ANKRD11: variants seen among roughly 807,000 people sequenced by gnomAD.
ANKRD11 encodes ankyrin repeat domain-containing protein 11.
A neutral mutation model predicts 195.7 loss-of-function variants in ANKRD11; 17 were observed. That is an observed-to-expected ratio of 0.09 (90% CI 0.06 to 0.13). The LOEUF (loss-of-function observed/expected upper bound fraction) is 0.13. Ranked by LOEUF, ANKRD11 falls within the 10% of genes least tolerant of loss-of-function variation. The pLI, the probability that ANKRD11 is intolerant of heterozygous loss-of-function variation, is 1.00. For missense variants in ANKRD11, 3,735 were observed against 3,566.1 expected (o/e 1.05, Z -1.21); for synonymous variants, 1,953 against 1,528.1 (o/e 1.28, Z -6.49).
chr16:89,304,116 G>A (rs920350601), intron 4 of ANKRD11, among the ~76,000 whole-genome samples: 1 of 152,218 alleles, frequency 6.6e-6, no homozygotes, highest in African/African-American at 2.4e-5. Flanking sequence ...GGAGGCCTCT[G>A]GACACAAGAA....
intron 4 of ANKRD11, chr16:89,300,774 G>A (rs1283588938): frequency 1.5e-6 from 1 of 665,936 alleles, no homozygotes; most frequent in Middle Eastern, 2.4e-4. Context: ...TGGCAGCACT[G>A]CAGAGAGCAC....
At chr16:89,353,522 G>A (rs2039320020) in intron 2 of ANKRD11, among the ~76,000 whole-genome samples, 1 of 151,956 alleles carries the variant, frequency 6.6e-6, no homozygotes, top group Non-Finnish European at 1.5e-5. Flanking sequence ...GTGTCACCCA[G>A]GCTGGAGTAC....
chr16:89,332,310 C>T (rs1404523419), intron 2 of ANKRD11, among the ~76,000 whole-genome samples: 1 of 152,208 alleles, frequency 6.6e-6, no homozygotes, highest in African/African-American at 2.4e-5. Context: ...GGTGAACGCT[C>T]TTCAGCTCCG....
intron 2 of ANKRD11, chr16:89,323,632 G>A (rs2037505831): frequency 3.1e-6 from 1 of 325,076 alleles, no homozygotes; most frequent in Admixed American, 4.4e-5. Flanking sequence ...GAGGGACAGA[G>A]GCCCTCACAG....
intron 9 of ANKRD11, chr16:89,277,742 C>G (rs1277430458): frequency 6.6e-6 from 1 of 152,434 alleles, no homozygotes; most frequent in Non-Finnish European, 1.5e-5. Flanking sequence ...GAGCTCAGAG[C>G]TTGGCAGGGT....
chr16:89,293,983 T>C (rs1457641460), intron 4 of ANKRD11, among the ~76,000 whole-genome samples: 1 of 152,114 alleles, frequency 6.6e-6, no homozygotes, highest in African/African-American at 2.4e-5. Flanking sequence ...AAACAGAACA[T>C]GTCCCACTCC....
chr16:89,366,192 C>T (rs1020940271), intron 2 of ANKRD11, among the ~76,000 whole-genome samples: 9 of 151,322 alleles, frequency 5.9e-5, no homozygotes, highest in Admixed American at 5.3e-4. Flanking sequence ...CAGTATTCCA[C>T]GGTGTATATG....
intron 2 of ANKRD11, among the ~76,000 whole-genome samples, chr16:89,348,263 G>A (rs1335671586): frequency 6.6e-6 from 1 of 152,166 alleles, no homozygotes; most frequent in Non-Finnish European, 1.5e-5. Context: ...AATCTTCTTA[G>A]ATGATCTTAC....
chr16:89,431,185 G>A (rs550161665), intron 1 of ANKRD11: 17 of 152,316 alleles, frequency 1.1e-4, no homozygotes, highest in African/African-American at 4.1e-4. Context: ...AGCAGCAAAG[G>A]CAAAGTACAG....
Position 89,281,626 on chromosome 16 carries a change from G to C in ANKRD11, c.4916C>G (p.Ala1639Gly), listed in dbSNP as rs1476873558. 10 of 1,614,070 alleles carry C rather than the reference G, an allele frequency of 6.2e-6. No individual in the cohort carries two copies. The highest frequency in any genetic ancestry group is 8.5e-6 in the Non-Finnish European group (10 of 1,180,046). The change falls in exon 9 of 13, where the codon GCT (alanine) becomes GGT (glycine). Residue 1639 changes from alanine to glycine, a missense_variant. Coordinates refer to ENST00000301030, the MANE Select transcript of ANKRD11 (RefSeq NM_013275.6). This position sits in a 1 kb window ranked among gnomAD's most constrained non-coding sequence, Gnocchi z 5.5. ...AGGGTCCAGCCCCGGCGGTTTCTTA[G>C]CAGGAATGTCCAGACCCTTCTTCCG... ...DGRKKGLDIP[A>G]KKPPGLDPPF...
intron 2 of ANKRD11, among the ~76,000 whole-genome samples, chr16:89,382,379 G>T (rs930210440): frequency 1.3e-5 from 2 of 152,144 alleles, no homozygotes; most frequent in South Asian, 4.2e-4. Context: ...AGGCTGGAGG[G>T]CAATGGTGCA....
At chr16:89,297,022 G>T (rs189072138) in intron 4 of ANKRD11, among the ~76,000 whole-genome samples, 5 of 152,238 alleles carry the variant, frequency 3.3e-5, no homozygotes, top group African/African-American at 1.2e-4. Context: ...CAAGCTTTCC[G>T]TGGGGTCTGG....
chr16:89,336,642 C>A (rs974314885), intron 2 of ANKRD11, among the ~76,000 whole-genome samples: 6 of 152,256 alleles, frequency 3.9e-5, no homozygotes, highest in African/African-American at 1.4e-4. Context: ...CCTGTGGGCA[C>A]CACACCCCCC....
intron 2 of ANKRD11, among the ~76,000 whole-genome samples, chr16:89,417,768 A>G (rs1010353989): frequency 1.3e-5 from 2 of 151,764 alleles, no homozygotes; most frequent in African/African-American, 4.8e-5. Flanking sequence ...AGGACAACCC[A>G]GCAAGACCAC....
chr16:89,425,039 C>T lies in ANKRD11; in HGVS notation c.-144-6671G>A, dbSNP rs989963014. On this transcript the variant is annotated intron_variant, in intron 1 of 12. Coordinates refer to ENST00000301030, the MANE Select transcript of ANKRD11 (RefSeq NM_013275.6). The stretch of plus-strand genomic sequence containing the variant: ...GAGACTGGCCGAAGTGTACAAAGGG[C>T]TCTCAAGGATTTCTTACAACAAAAC... Among the ~76,000 whole-genome samples the T allele has an allele frequency of 6.6e-5, 10 of 151,310 alleles. 1 individual carries two copies. Among genetic ancestry groups the T allele is most frequent in the Admixed American group, 6.6e-4 (10 of 15,188 alleles).
chr16:89,490,506 G>T lies in ANKRD11; in HGVS notation c.-406C>A. ...GGCGTCTGGCCGCGGGCTCGGCGGC[G>T]GCGCCTCCCCGGCTGGGGCCCTCGG... On this transcript the variant is annotated 5_prime_UTR_variant, in exon 1 of 13. Transcript: ENST00000301030. 1 of 468,276 alleles carries T rather than the reference G, an allele frequency of 2.1e-6. No individual in the cohort carries two copies. The highest frequency in any genetic ancestry group is 3.8e-6 in the Non-Finnish European group (1 of 260,388). The allele number at this position is 468,276 out of a possible 1,614,324, so 29.0% of individuals were successfully genotyped here.
chr16:89,426,529 T>TCACA (rs55664494), intron 1 of ANKRD11, among the ~76,000 whole-genome samples: 65,344 of 142,120 alleles, frequency 0.46, 17,106 homozygotes, highest in Non-Finnish European at 0.61. Context: ...CACTTAAACA[T>TCACA]CACACACACA....
intron 9 of ANKRD11, chr16:89,277,819 C>T (rs1334451898): frequency 6.5e-6 from 1 of 153,770 alleles, no homozygotes; most frequent in Non-Finnish European, 1.4e-5. Flanking sequence ...GCAGCACAGA[C>T]CCAGCCTCAC....
intron 1 of ANKRD11, among the ~76,000 whole-genome samples, chr16:89,435,549 T>C (rs1443245852): frequency 6.6e-6 from 1 of 151,764 alleles, no homozygotes; most frequent in African/African-American, 2.4e-5. Context: ...AGGAAAACAC[T>C]CCAGACACAT....
Sources: gnomAD v4.1 joint callset for allele counts (sites outside exome capture counted in the v4.1 genomes callset) on GRCh38, gnomAD v4.1.1 for gene constraint, Gnocchi (gnomAD v3.1) non-coding constraint, MANE v1.5 for transcripts, NCBI Gene and HGNC (gene_info 2026-07-23, HGNC 2026-07-21) for gene names.